Variants in FIRRM observed in about 807,000 individuals in gnomAD.
FIRRM encodes the protein FIGNL1 interacting regulator of recombination and mitosis, also known as FIGNL1-interacting regulator of recombination and mitosis.
chr1:169,815,508 G>T, the FIRRM span, among the ~76,000 whole-genome samples: 2 of 151,942 alleles, frequency 1.3e-5, no homozygotes, highest in East Asian at 3.9e-4. Context: ...TTGTTGCCAG[G>T]GTATTTGTAA....
the FIRRM span, chr1:169,795,304 C>T: frequency 6.9e-7 from 1 of 1,446,442 alleles, no homozygotes; most frequent in African/African-American, 1.4e-5. Flanking sequence ...CACCGCCAGG[C>T]TGGGTTATAT....
At chr1:169,836,958 A>T in the FIRRM span, 1 of 1,610,372 alleles carries the variant, frequency 6.2e-7, no homozygotes, top group South Asian at 1.1e-5. Context: ...TCCCCAAAAG[A>T]AGCAGAAAAT....
the FIRRM span, among the ~76,000 whole-genome samples, chr1:169,836,169 T>C: frequency 6.6e-6 from 1 of 152,086 alleles, no homozygotes; most frequent in South Asian, 2.1e-4. Context: ...TACACTAATA[T>C]ACTTCCTAGT....
At chr1:169,833,735 C>T in the FIRRM span, among the ~76,000 whole-genome samples, 1 of 151,658 alleles carries the variant, frequency 6.6e-6, no homozygotes, top group Non-Finnish European at 1.5e-5. Context: ...CCTCTAAGAG[C>T]ACGGGGAGCT....
At chr1:169,833,760 A>G in the FIRRM span, among the ~76,000 whole-genome samples, 601 of 152,164 alleles carry the variant, frequency 3.9e-3, 16 homozygotes, top group Admixed American at 0.028. Flanking sequence ...TGCTTACAAA[A>G]GAATTTTCTA....
chr1:169,801,597 CAAAAA>C, the FIRRM span, among the ~76,000 whole-genome samples: 72 of 124,422 alleles, frequency 5.8e-4, no homozygotes, highest in East Asian at 6.9e-4. Flanking sequence ...ACCCTTAATT[CAAAAA>C]AAAAAAAAAA....
the FIRRM span, chr1:169,804,294 A>C: frequency 1.4e-5 from 17 of 1,192,280 alleles, 1 homozygote; most frequent in Non-Finnish European, 1.1e-5. Flanking sequence ...TCATGTATCA[A>C]TTAAAATTGT....
the FIRRM span, chr1:169,853,147 A>G: frequency 4.1e-6 from 3 of 727,228 alleles, no homozygotes. Context: ...GAATATTCTT[A>G]TTAAGAACTT....
At chr1:169,823,543 C>T in the FIRRM span, 13 of 816,734 alleles carry the variant, frequency 1.6e-5, no homozygotes, top group African/African-American at 2.3e-4. Flanking sequence ...TAAGTACCTA[C>T]CATTTTATGA....
the FIRRM span, chr1:169,847,832 T>A: frequency 6.9e-7 from 1 of 1,442,846 alleles, no homozygotes; most frequent in Admixed American, 1.7e-5. Context: ...GTTCTTGTAT[T>A]ATTAAAACAA....
At chr1:169,808,854 C>T in the FIRRM span, among the ~76,000 whole-genome samples, 1 of 152,176 alleles carries the variant, frequency 6.6e-6, no homozygotes, top group Non-Finnish European at 1.5e-5. Flanking sequence ...CCGCCTTGGC[C>T]TCCCAAAGTG....
At chr1:169,838,400 A>G in the FIRRM span, among the ~76,000 whole-genome samples, 7 of 152,252 alleles carry the variant, frequency 4.6e-5, no homozygotes, top group Admixed American at 6.5e-5. Context: ...GAAAAGCACT[A>G]TAAGTAAACT....
chr1:169,843,919 CTT>C, the FIRRM span: 1 of 610,394 alleles, frequency 1.6e-6, no homozygotes, highest in Non-Finnish European at 2.9e-6. Context: ...TCTCATTTCT[CTT>C]TCTTCCTTAC....
chr1:169,833,487 G>A, the FIRRM span, among the ~76,000 whole-genome samples: 1 of 152,100 alleles, frequency 6.6e-6, no homozygotes, highest in Admixed American at 6.5e-5. Context: ...CATTTTCCTT[G>A]TCTGCAAAGC....
chr1:169,806,054 G>A, the FIRRM span: 1 of 1,599,902 alleles, frequency 6.3e-7, no homozygotes, highest in Non-Finnish European at 8.5e-7. Context: ...TATGGACCAT[G>A]CATTTCATGC....
chr1:169,807,686 T>C, the FIRRM span: 33 of 1,038,094 alleles, frequency 3.2e-5, no homozygotes, highest in Non-Finnish European at 3.7e-5. Flanking sequence ...ATGATGCTTT[T>C]TGATTGTTTT....
the FIRRM span, among the ~76,000 whole-genome samples, chr1:169,847,435 CAT>C: frequency 2.0e-5 from 3 of 149,008 alleles, no homozygotes; most frequent in Non-Finnish European, 3.0e-5. Context: ...TTTTCAGAAA[CAT>C]GTATACTTTT....
At chr1:169,836,304 A>T in the FIRRM span, among the ~76,000 whole-genome samples, 1 of 152,212 alleles carries the variant, frequency 6.6e-6, no homozygotes, top group Non-Finnish European at 1.5e-5. Context: ...AGTCTCTAAC[A>T]TCTGCATTTT....
At chr1:169,812,471 TATG>T in the FIRRM span, among the ~76,000 whole-genome samples, 2 of 152,234 alleles carry the variant, frequency 1.3e-5, no homozygotes, top group Non-Finnish European at 2.9e-5. Context: ...CTTATGGTGA[TATG>T]ATGACGTCTA....
Sources: allele counts gnomAD v4.1 joint callset (sites outside exome capture counted in the v4.1 genomes callset), GRCh38; gene constraint gnomAD v4.1.1; transcripts MANE v1.5; gene names NCBI Gene and HGNC (gene_info 2026-07-23, HGNC 2026-07-21).